The following WDR75 variants were observed in gnomAD, a reference collection of about 807,000 sequenced individuals.
The protein encoded by WDR75 is WD repeat domain 75.
Under a neutral mutation model 106.1 loss-of-function variants are expected in WDR75, and 52 were observed. That is an observed-to-expected ratio of 0.49 (90% confidence interval 0.39 to 0.62). WDR75 has a LOEUF of 0.62. WDR75 is among the 20% of genes least tolerant of loss of function. WDR75 has a pLI of 0.00. For missense variants in WDR75, 905 were observed against 970.3 expected (o/e 0.93, Z 0.89); for synonymous variants, 333 against 335.5 (o/e 0.99, Z 0.08).
rs775769488 is a variant in WDR75 at position 189,470,915 on chromosome 2, C to G, written c.2049+37C>G. 8 of 1,484,142 alleles carry G rather than the reference C, an allele frequency of 5.4e-6. No individual in the cohort carries two copies. In the African/African-American group the frequency reaches 7.1e-5, roughly 13 times the overall value. The allele number at this position is 1,484,142 out of a possible 1,614,324, so 91.9% of individuals were successfully genotyped here. On this transcript the variant is annotated intron_variant, in intron 18 of 20. Coordinates refer to ENST00000314761, the MANE Select transcript of WDR75 (RefSeq NM_032168.3). The stretch of plus-strand genomic sequence containing the variant: ...CCATTCATAGCAGGATGTATTGCCT[C>G]CCTAAAAGGATACAATTACCTTTTA...
chr2:189,467,444 A>G, intron 13 of WDR75, 24 bp from the exon 14 acceptor site: 2 of 1,569,748 alleles, frequency 1.3e-6, no homozygotes, highest in Non-Finnish European at 1.7e-6. Context: ...CAATTTCTGA[A>G]CATTATGGCT....
chr2:189,456,432 C>T (rs983343990), intron 5 of WDR75, among the ~76,000 whole-genome samples: 4 of 151,968 alleles, frequency 2.6e-5, no homozygotes, highest in Non-Finnish European at 4.4e-5. Context: ...TGGAGTGCCG[C>T]TCAGCAATAA....
chr2:189,459,224 T>C (rs1686809822), intron 7 of WDR75, 112 bp from the exon 8 acceptor site: 1 of 779,608 alleles, frequency 1.3e-6, no homozygotes, highest in Non-Finnish European at 2.0e-6. Context: ...CAGAAGCCTT[T>C]ATATTATGAT....
chr2:189,474,846 T>C (rs1249568922), intron 20 of WDR75, 38 bp downstream of exon 20: 2 of 1,509,242 alleles, frequency 1.3e-6, no homozygotes, highest in African/African-American at 2.8e-5. Flanking sequence ...ACACTCTCTT[T>C]TGGGAAACAG....
At chr2:189,456,839 T>C (rs779355229) in intron 5 of WDR75, among the ~76,000 whole-genome samples, 19 of 152,236 alleles carry the variant, frequency 1.2e-4, no homozygotes, top group Non-Finnish European at 2.1e-4. Context: ...TGTCATTGTT[T>C]CAATAGTATG....
chr2:189,448,489 AC>A lies in WDR75; in HGVS notation c.201del (p.Asn68ThrfsTer21). ...HRNLVTGIQL[N>X]PNNHLQLYSC... ...AATCTGGTGACTGGAATCCAGCTTA[AC>A]CCCAACAACCATCTACAGGTGTCAA... is the stretch of plus-strand genomic sequence containing the variant. On this transcript the variant is annotated frameshift_variant, in exon 2 of 21. Transcript: ENST00000314761. LOFTEE classifies it high-confidence loss of function. The A allele has an allele frequency of 6.2e-7, 1 of 1,613,968 alleles. No homozygotes were observed. The highest frequency in any genetic ancestry group is 1.3e-5 in the African/African-American group (1 of 75,040).
intron 1 of WDR75, among the ~76,000 whole-genome samples, chr2:189,447,652 T>C (rs954991550): frequency 3.9e-5 from 6 of 152,224 alleles, no homozygotes; most frequent in Non-Finnish European, 7.3e-5. Flanking sequence ...AGCCTCTGTC[T>C]ACAAACAGTC....
chr2:189,471,406 A>G (rs1687117023), intron 18 of WDR75, among the ~76,000 whole-genome samples: 1 of 152,220 alleles, frequency 6.6e-6, no homozygotes, highest in Non-Finnish European at 1.5e-5. Flanking sequence ...TGGTTAGTTC[A>G]GTAGTCATTG....
Position 189,443,667 on chromosome 2 carries a change from G to A in WDR75, c.86+2089G>A, listed in dbSNP as rs186672044. On this transcript the variant is annotated intron_variant, in intron 1 of 20. Transcript: ENST00000314761. ...TACATAGTCAGTTTTACCTTCAGTA[G>A]TGGTTCTTGCAGCAATGGCAAGAGT... 2.4e-3 allele frequency among the ~76,000 whole-genome samples: 372 copies of A among 152,180 alleles called. No homozygotes were observed. The Middle Eastern group carries it at 0.031, about 13-fold the overall frequency.
chr2:189,463,725 A>G lies in WDR75; in HGVS notation c.969A>G (p.Ala323=), dbSNP rs746011437. 1 of 1,613,860 alleles carries G rather than the reference A, an allele frequency of 6.2e-7. No homozygotes were observed. The highest frequency in any genetic ancestry group is 8.5e-7 in the Non-Finnish European group (1 of 1,179,794). ...KIIIIHRNLE[A]SAVIQGLVKD... ...TAATTATTCACCGAAACCTTGAAGC[A>G]TCCGCAGTAATTCAAGGCCTAGTGA... Residue 323 remains alanine (A), a synonymous_variant, in exon 10 of 21, where the codon GCA becomes GCG. Transcript: ENST00000314761.
chr2:189,464,235 C>T, intron 11 of WDR75: 1 of 363,680 alleles, frequency 2.7e-6, no homozygotes, highest in Non-Finnish European at 4.9e-6. Context: ...TACATCTGTG[C>T]TTTTGAGTCA....
chr2:189,450,115 C>G, intron 2 of WDR75: 1 of 954,652 alleles, frequency 1.0e-6, no homozygotes, highest in Non-Finnish European at 1.2e-6. Context: ...ATGTGAGTGT[C>G]ACAAAACACT....
chr2:189,455,444 G>A lies in WDR75; in HGVS notation c.498G>A (p.Glu166=), dbSNP rs748048582. 10 of 1,601,918 alleles carry A rather than the reference G, an allele frequency of 6.2e-6. No individual in the cohort carries two copies. Among genetic ancestry groups the A allele is most frequent in the Non-Finnish European group, 8.5e-6 (10 of 1,175,430 alleles). Residue 166 remains glutamate (E), a splice_region_variant and synonymous_variant, in exon 5 of 21, where the codon GAG becomes GAA. Coordinates refer to ENST00000314761, the MANE Select transcript of WDR75 (RefSeq NM_032168.3). The stretch of plus-strand genomic sequence containing the variant: ...CCAAGTGCATTGCCTTTGGAAACGA[G>A]GTAAATTTTGTTTTGTTCGTTTTCT... ...QSPKCIAFGN[E]GVYVAAVREF...
Position 189,470,200 on chromosome 2 carries a change from C to A in WDR75, c.1944C>A (p.Tyr648Ter). 3 of 1,613,206 alleles carry A rather than the reference C, an allele frequency of 1.9e-6. No homozygotes were observed. The highest frequency in any genetic ancestry group is 2.5e-6 in the Non-Finnish European group (3 of 1,179,440). The change falls in exon 17 of 21, where the codon TAC (tyrosine) becomes TAA (stop). Residue 648 changes from tyrosine (Y) to a stop codon, truncating the protein, a stop_gained. Coordinates refer to ENST00000314761, the MANE Select transcript of WDR75 (RefSeq NM_032168.3). LOFTEE classifies it high-confidence loss of function. ...DVPESFTSEA[Y>*]QWLNRSQFYF... ...CTGAATCCTTCACCTCAGAAGCTTA[C>A]CAGTGGCTAAATAGATCCCAGTTTT...
intron 1 of WDR75, among the ~76,000 whole-genome samples, chr2:189,445,085 G>A (rs1382224072): frequency 6.6e-6 from 1 of 152,174 alleles, no homozygotes; most frequent in East Asian, 1.9e-4. Flanking sequence ...CCTATTGAGT[G>A]AGTGCTTGCT....
chr2:189,472,667 G>GT (rs982243393), intron 18 of WDR75, among the ~76,000 whole-genome samples: 1 of 152,020 alleles, frequency 6.6e-6, no homozygotes, highest in African/African-American at 2.4e-5. Flanking sequence ...TTAAAAGTGG[G>GT]TTAAAAAGCC....
In WDR75 at chr2:189,457,308, T is replaced by C. The variant is rs1460114802; in HGVS notation, c.499-3T>C. 1 of 1,586,208 alleles carries C rather than the reference T, an allele frequency of 6.3e-7. No individual in the cohort carries two copies. On this transcript the variant is annotated splice_region_variant and splice_polypyrimidine_tract_variant and intron_variant, in intron 5 of 20. Coordinates refer to ENST00000314761, the MANE Select transcript of WDR75 (RefSeq NM_032168.3). ...AATGTTTATCTTCTTTTTGAAATAC[T>C]AGGGAGTATATGTTGCTGCAGTACG...
chr2:189,465,370 T>C, intron 12 of WDR75, 116 bp downstream of exon 12: 2 of 1,133,388 alleles, frequency 1.8e-6, no homozygotes, highest in Non-Finnish European at 1.2e-6. Flanking sequence ...TTTAGAGATA[T>C]GGGAGAGGTT....
Position 189,468,510 on chromosome 2 carries a change from A to G in WDR75, c.1664A>G (p.Tyr555Cys), listed in dbSNP as rs368728282. The G allele has an allele frequency of 6.8e-6, 11 of 1,613,390 alleles. No individual in the cohort carries two copies. Among genetic ancestry groups the G allele is most frequent in the East Asian group, 6.7e-5 (3 of 44,856 alleles). Residue 555 changes from tyrosine to cysteine, a missense_variant, in exon 15 of 21, where the codon TAT becomes TGT. Physicochemically the swap from Tyr to Cys is radical, Grantham distance 194. Coordinates refer to ENST00000314761, the MANE Select transcript of WDR75 (RefSeq NM_032168.3). ...LCFGRLTCSK[Y>C]LLGATENGIL... ...TTTGGGAGATTGACGTGTTCAAAGT[A>G]TCTACTTGGTGCTACTGAAAATGGC...
Sources: gnomAD v4.1 joint callset for allele counts (sites outside exome capture counted in the v4.1 genomes callset) on GRCh38, gnomAD v4.1.1 for gene constraint, MANE v1.5 for transcripts, NCBI Gene and HGNC (gene_info 2026-07-23, HGNC 2026-07-21) for gene names.